The following PHF2 variants were observed in gnomAD, a reference collection of about 807,000 sequenced individuals.
PHF2 encodes the protein lysine-specific demethylase PHF2.
A neutral mutation model predicts 120.5 loss-of-function variants in PHF2; 27 were observed. The ratio of observed to expected loss-of-function variants is 0.22; its 90% CI spans 0.17 to 0.31. PHF2 has a LOEUF of 0.31. Among genes scored for constraint, PHF2 ranks in the 10% least tolerant of loss-of-function variants. The probability of loss-of-function intolerance (pLI) is 1.00; values close to 1 mark genes in which losing one functional copy is unlikely to be tolerated. For missense variants in PHF2, 1,024 were observed against 1,434.8 expected (o/e 0.71, Z 4.63); for synonymous variants, 568 against 592.5 (o/e 0.96, Z 0.60).
At chr9:93,602,409 C>T (rs906030075) in intron 1 of PHF2, among the ~76,000 whole-genome samples, 4 of 151,764 alleles carry the variant, frequency 2.6e-5, no homozygotes, top group Admixed American at 6.6e-5. Context: ...CACACCGCCA[C>T]GCCTGGCTAA....
At chr9:93,650,124 C>G (rs921748785) in intron 5 of PHF2, among the ~76,000 whole-genome samples, 1 of 132,554 alleles carries the variant, frequency 7.5e-6, no homozygotes, top group Non-Finnish European at 1.7e-5. Flanking sequence ...TGGACACACA[C>G]TTAGCACTCA....
intron 6 of PHF2, 101 bp from the exon 7 acceptor site, chr9:93,654,312 G>A (rs936119794): frequency 1.0e-5 from 11 of 1,088,666 alleles, no homozygotes; most frequent in Middle Eastern, 4.1e-4. Flanking sequence ...GGCGGGAGTC[G>A]TGGACCTGGG....
chr9:93,603,326 G>A (rs1201455752), intron 1 of PHF2, among the ~76,000 whole-genome samples: 1 of 152,348 alleles, frequency 6.6e-6, no homozygotes, highest in East Asian at 1.9e-4. Flanking sequence ...CGACTTAGCT[G>A]TGGTTGTCTA....
chr9:93,583,680 A>G (rs1260619045), intron 1 of PHF2, among the ~76,000 whole-genome samples: 1 of 152,132 alleles, frequency 6.6e-6, no homozygotes, highest in Admixed American at 6.5e-5. Flanking sequence ...CAGCTTTCAC[A>G]TGCTTGTTGG....
At chr9:93,602,994 C>A (rs1825469973) in intron 1 of PHF2, among the ~76,000 whole-genome samples, 1 of 152,004 alleles carries the variant, frequency 6.6e-6, no homozygotes, top group African/African-American at 2.4e-5. Context: ...AGCAAGGGAA[C>A]CGCTGAGTTG....
intron 1 of PHF2, among the ~76,000 whole-genome samples, chr9:93,618,242 C>A (rs1364270717): frequency 6.6e-6 from 1 of 152,282 alleles, no homozygotes; most frequent in Non-Finnish European, 1.5e-5. Flanking sequence ...GCTGTTGCAC[C>A]TGTGCCACTT....
At chr9:93,666,938 A>G in intron 16 of PHF2, 142 bp from the exon 17 acceptor site, 3 of 393,786 alleles carry the variant, frequency 7.6e-6, no homozygotes, top group Non-Finnish European at 1.2e-5. Context: ...CTAAATAAAT[A>G]AATAAAAATA....
chr9:93,640,581 T>G (rs1417647738), intron 3 of PHF2, among the ~76,000 whole-genome samples: 2 of 152,216 alleles, frequency 1.3e-5, no homozygotes, highest in Non-Finnish European at 2.9e-5. Flanking sequence ...TCCATTTCTC[T>G]GTTTACATTA....
intron 3 of PHF2, among the ~76,000 whole-genome samples, chr9:93,645,251 G>A (rs1826236003): frequency 6.6e-6 from 1 of 152,222 alleles, no homozygotes; most frequent in Non-Finnish European, 1.5e-5. Context: ...GTGCAGTGGA[G>A]GAGCTGCCCC....
intron 7 of PHF2, 80 bp from the exon 8 acceptor site, chr9:93,655,854 G>A (rs1587709889): frequency 1.4e-5 from 15 of 1,048,292 alleles, no homozygotes; most frequent in East Asian, 1.1e-4. Flanking sequence ...GCTGGTCTCC[G>A]CCGCTCCCTG....
At chr9:93,667,621 C>T (rs1467938743) in intron 17 of PHF2, among the ~76,000 whole-genome samples, 1 of 152,172 alleles carries the variant, frequency 6.6e-6, no homozygotes, top group Non-Finnish European at 1.5e-5. Flanking sequence ...TCGGGGGCTG[C>T]AGCTGCCATG....
chr9:93,643,956 C>T (rs1434883301), intron 3 of PHF2, among the ~76,000 whole-genome samples: 1 of 152,184 alleles, frequency 6.6e-6, no homozygotes, highest in Non-Finnish European at 1.5e-5. Flanking sequence ...ACCCCCTTGG[C>T]CCTTTCCCTG....
rs532822128 is a variant in PHF2, at chr9:93,628,399, C to A, written c.99-1571C>A. Among the ~76,000 whole-genome samples, 80 of 152,194 alleles carry A rather than the reference C, an allele frequency of 5.3e-4. No individual in the cohort carries two copies. The South Asian group carries it at 0.016, about 30-fold the overall frequency. Reference sequence around the variant, plus strand: ...GAGGTTTTTTGATTACTGATTTAATCTTTTTACTTGTTACAGGTCTGTTCA... The same window carrying A: ...GAGGTTTTTTGATTACTGATTTAATATTTTTACTTGTTACAGGTCTGTTCA... On this transcript the variant is annotated intron_variant, in intron 1 of 21. Coordinates refer to ENST00000359246, the MANE Select transcript of PHF2 (RefSeq NM_005392.4).
At chr9:93,615,542 A>T (rs1453147571) in intron 1 of PHF2, among the ~76,000 whole-genome samples, 1 of 152,054 alleles carries the variant, frequency 6.6e-6, no homozygotes, top group African/African-American at 2.4e-5. Context: ...ATGATGATCC[A>T]CTCTGCAGAG....
chr9:93,645,831 G>A (rs1826248734), intron 4 of PHF2, 42 bp downstream of exon 4: 1 of 1,527,026 alleles, frequency 6.5e-7, no homozygotes, highest in Non-Finnish European at 8.8e-7. Context: ...GCTGGAGCTG[G>A]GAGTGCTGGG....
At chr9:93,670,795 C>G (rs1278702367) in intron 17 of PHF2, among the ~76,000 whole-genome samples, 1 of 152,096 alleles carries the variant, frequency 6.6e-6, no homozygotes, top group African/African-American at 2.4e-5. Context: ...CCAGTGTAGA[C>G]AGGAGGAGGT....
chr9:93,672,007 T>C lies in PHF2; in HGVS notation c.2349-1578T>C, dbSNP rs374298273. Among the ~76,000 whole-genome samples the C allele has an allele frequency of 3.5e-5, 5 of 142,950 alleles. No homozygotes were observed. In the East Asian group the frequency reaches 6.8e-4, roughly 19 times the overall value. 93.8% of individuals were successfully genotyped at this position (142,950 alleles called of 152,430 possible). On this transcript the variant is annotated intron_variant, in intron 17 of 21. Coordinates refer to ENST00000359246, the MANE Select transcript of PHF2 (RefSeq NM_005392.4). ...GTGTGGGAGTAGGGTCAGGTGTAGA[T>C]GCAGATGTGGGTGTGGGAGTAGGCA...
At position 93,677,706 on chromosome 9, in the gene PHF2, G is replaced by T; in HGVS notation, c.*30G>T. On this transcript the variant is annotated 3_prime_UTR_variant, in exon 22 of 22. Coordinates refer to ENST00000359246, the MANE Select transcript of PHF2 (RefSeq NM_005392.4). This position sits in a 1 kb window ranked among gnomAD's most constrained non-coding sequence, Gnocchi z 4.4. The stretch of plus-strand genomic sequence containing the variant: ...TGGAAAGCCAGGATCCTTCTGCTCC[G>T]CTCAGGACCCCCGGAGCCCCGCGAA... The T allele has an allele frequency of 1.9e-6, 3 of 1,556,068 alleles. No homozygotes were observed.
intron 1 of PHF2, among the ~76,000 whole-genome samples, chr9:93,587,681 G>C (rs908910439): frequency 6.6e-6 from 1 of 152,102 alleles, no homozygotes; most frequent in Non-Finnish European, 1.5e-5. Context: ...GCCAGGCACT[G>C]CTTCTGCCCG....
Sources: allele counts gnomAD v4.1 joint callset (sites outside exome capture counted in the v4.1 genomes callset), GRCh38; gene constraint gnomAD v4.1.1; non-coding constraint Gnocchi (gnomAD v3.1); transcripts MANE v1.5; gene names NCBI Gene and HGNC (gene_info 2026-07-23, HGNC 2026-07-21).